Variants in NKAIN1 observed in about 807,000 individuals in gnomAD.
NKAIN1 encodes the protein sodium/potassium transporting ATPase interacting 1.
Under a neutral mutation model 31.6 loss-of-function variants are expected in NKAIN1, and 13 were observed. The observed-to-expected ratio is 0.41, with a 90% CI of 0.27 to 0.65. NKAIN1 has a LOEUF of 0.65. NKAIN1 is among the 30% of genes least tolerant of loss of function. NKAIN1 has a pLI of 0.30. For missense variants in NKAIN1, 193 were observed against 262.2 expected (o/e 0.74, Z 1.82); for synonymous variants, 104 against 109.0 (o/e 0.95, Z 0.28).
At position 31,231,591 on chromosome 1, in the gene NKAIN1, C is replaced by T. The variant is rs367562857; in HGVS notation, c.54+7903G>A. Among the ~76,000 whole-genome samples the T allele has an allele frequency of 3.9e-5, 6 of 152,248 alleles. No homozygotes were observed. The East Asian group carries it at 7.7e-4, about 20-fold the overall frequency. Reference sequence around the variant, plus strand: ...TGTCACCCAGGCTGGAGTGCAGTGGCGCCATCTCAGCTCACTGCAAGCTCC... The same window carrying T: ...TGTCACCCAGGCTGGAGTGCAGTGGTGCCATCTCAGCTCACTGCAAGCTCC... On this transcript the variant is annotated intron_variant, in intron 1 of 6. Transcript: ENST00000373736.
rs900342168 is a variant in NKAIN1, at chr1:31,217,187, C to T, written c.54+22307G>A. ...CGGCATTGACTTTTTGTTTTAGAGA[C>T]AGGGTCTTAGTCTGTTGCCCAGGTT... On this transcript the variant is annotated intron_variant, in intron 1 of 6. Transcript: ENST00000373736. Among the ~76,000 whole-genome samples, 3 of 151,910 alleles carry T rather than the reference C, an allele frequency of 2.0e-5. No homozygotes were observed. The East Asian group carries it at 5.8e-4, about 29-fold the overall frequency.
intron 1 of NKAIN1, among the ~76,000 whole-genome samples, chr1:31,215,295 A>C (rs929822267): frequency 2.6e-5 from 4 of 152,046 alleles, no homozygotes; most frequent in African/African-American, 7.2e-5. Context: ...ACTCCCCCCA[A>C]CCCAGGGCTT....
chr1:31,226,814 G>A (rs1055520589), intron 1 of NKAIN1, among the ~76,000 whole-genome samples: 12 of 151,724 alleles, frequency 7.9e-5, no homozygotes, highest in Non-Finnish European at 1.8e-4. Flanking sequence ...GTGAGCCACC[G>A]CACCCGGCCA....
intron 1 of NKAIN1, among the ~76,000 whole-genome samples, chr1:31,212,792 A>G (rs1645480725): frequency 6.6e-6 from 1 of 152,068 alleles, no homozygotes; most frequent in Non-Finnish European, 1.5e-5. Flanking sequence ...CAAGGTCAGG[A>G]GATCAAGACC....
chr1:31,216,458 G>A (rs1253964555), intron 1 of NKAIN1, among the ~76,000 whole-genome samples: 1 of 152,062 alleles, frequency 6.6e-6, no homozygotes, highest in Non-Finnish European at 1.5e-5. Flanking sequence ...AACATGCCAG[G>A]TACAGCCTAA....
At position 31,181,685 on chromosome 1, in the gene NKAIN1, G is replaced by A. The variant is rs372031813; in HGVS notation, c.*18C>T. The A allele has an allele frequency of 2.3e-4, 340 of 1,458,084 alleles. 6 individuals carry two copies. The East Asian group carries it at 6.3e-3, about 27-fold the overall frequency. The allele number at this position is 1,458,084 out of a possible 1,614,324, so 90.3% of individuals were successfully genotyped here. ...GGTCAGCCCAGGGCGAGGCGCCGGG[G>A]TGGGCGCGGGGCAGAGGCTACCCCG... is the stretch of plus-strand genomic sequence containing the variant. On this transcript the variant is annotated 3_prime_UTR_variant, in exon 7 of 7. Transcript: ENST00000373736.
intron 1 of NKAIN1, among the ~76,000 whole-genome samples, chr1:31,223,646 G>A (rs7545649): frequency 4.0e-5 from 6 of 151,846 alleles, no homozygotes; most frequent in Non-Finnish European, 8.8e-5. Flanking sequence ...GGGTTTCACC[G>A]TGTTAGCCAG....
chr1:31,222,858 T>C (rs182304424), intron 1 of NKAIN1, among the ~76,000 whole-genome samples: 2 of 152,274 alleles, frequency 1.3e-5, no homozygotes, highest in East Asian at 3.9e-4. Context: ...AGCTTCAGTT[T>C]CCTCATCTGT....
intron 1 of NKAIN1, among the ~76,000 whole-genome samples, chr1:31,201,656 C>T (rs180841215): frequency 1.2e-4 from 18 of 152,258 alleles, no homozygotes; most frequent in East Asian, 5.8e-4. Context: ...CCACCGCGCC[C>T]GGCCAATCCT....
intron 1 of NKAIN1, among the ~76,000 whole-genome samples, chr1:31,238,603 C>A (rs1271218165): frequency 6.6e-6 from 1 of 152,170 alleles, no homozygotes; most frequent in Non-Finnish European, 1.5e-5. Context: ...CTCCCTGAGA[C>A]AAGAACCTGA....
chr1:31,219,421 G>A (rs1049445226), intron 1 of NKAIN1, among the ~76,000 whole-genome samples: 41 of 152,234 alleles, frequency 2.7e-4, no homozygotes, highest in African/African-American at 9.2e-4. Context: ...AGAAGCCCCG[G>A]CACGCCCTGA....
rs527827896 is a variant in NKAIN1 at position 31,233,831 on chromosome 1, G to A, written c.54+5663C>T. 7.9e-5 allele frequency among the ~76,000 whole-genome samples: 12 copies of A among 152,314 alleles called. No individual in the cohort carries two copies. Among genetic ancestry groups the A allele is most frequent in the Admixed American group, 4.6e-4 (7 of 15,298 alleles). ...TCCCCAAACTGCCATGGGCTCGTTC[G>A]TGGGGTAGAAGCTGTTTTTCTGACT... On this transcript the variant is annotated intron_variant, in intron 1 of 6. Coordinates refer to ENST00000373736, the MANE Select transcript of NKAIN1 (RefSeq NM_024522.3). This position sits in a 1 kb window ranked among gnomAD's most constrained non-coding sequence, Gnocchi z 4.0.
chr1:31,184,072 C>T (rs1645224346), intron 3 of NKAIN1, 58 bp from the exon 4 acceptor site: 3 of 1,482,616 alleles, frequency 2.0e-6, no homozygotes, highest in Admixed American at 1.8e-5. Context: ...GGGAGCTACT[C>T]CCCCAGCCCA....
At chr1:31,214,449 C>T (rs562744238) in intron 1 of NKAIN1, among the ~76,000 whole-genome samples, 18 of 144,444 alleles carry the variant, frequency 1.2e-4, no homozygotes, top group African/African-American at 4.4e-4. Context: ...AATTATATCT[C>T]AATAAAGTTA....
chr1:31,222,157 G>A (rs1222856518), intron 1 of NKAIN1, among the ~76,000 whole-genome samples: 1 of 152,332 alleles, frequency 6.6e-6, no homozygotes. Context: ...GATTACAGGC[G>A]TGAGCCACTG....
chr1:31,217,146 A>G (rs892034898), intron 1 of NKAIN1, among the ~76,000 whole-genome samples: 3 of 152,066 alleles, frequency 2.0e-5, no homozygotes, highest in Admixed American at 6.6e-5. Flanking sequence ...GATTACAGGC[A>G]TGAGCCACCG....
At chr1:31,189,286 T>A (rs936672037) in intron 1 of NKAIN1, among the ~76,000 whole-genome samples, 1 of 152,106 alleles carries the variant, frequency 6.6e-6, no homozygotes, top group Non-Finnish European at 1.5e-5. Context: ...ATGAACTAAA[T>A]AAAATGGTCG....
rs906711524 is a variant in NKAIN1, at chr1:31,180,565, C to T, written c.*1138G>A. ...TCTGTAAACACTGGAGTCTGGGCAG[C>T]GCTGACCAGCATTGCTCCTCTCTGA... On this transcript the variant is annotated 3_prime_UTR_variant, in exon 7 of 7. Transcript: ENST00000373736. 5.9e-5 allele frequency: 9 copies of T among 152,406 alleles called. No individual in the cohort carries two copies. The highest frequency in any genetic ancestry group is 2.1e-4 in the South Asian group (1 of 4,824). 9.4% of individuals were successfully genotyped at this position (152,406 alleles called of 1,614,324 possible).
chr1:31,229,314 C>T (rs926095121), intron 1 of NKAIN1, among the ~76,000 whole-genome samples: 2 of 152,112 alleles, frequency 1.3e-5, no homozygotes, highest in African/African-American at 4.8e-5. Context: ...AGTGATGGGC[C>T]ACAAGCCTCC....
Sources: gnomAD v4.1 joint callset for allele counts (sites outside exome capture counted in the v4.1 genomes callset) on GRCh38, gnomAD v4.1.1 for gene constraint, Gnocchi (gnomAD v3.1) non-coding constraint, MANE v1.5 for transcripts, NCBI Gene and HGNC (gene_info 2026-07-23, HGNC 2026-07-21) for gene names.